Variants in KIF6 observed in about 807,000 individuals in gnomAD.
KIF6 encodes kinesin family member 6.
In KIF6, 106 loss-of-function variants were observed where a neutral mutation model predicts 112.7. That is an observed-to-expected ratio of 0.94 (90% CI 0.80 to 1.11). The LOEUF (loss-of-function observed/expected upper bound fraction) is 1.11. Ranked by LOEUF, KIF6 falls within the 50% of genes least tolerant of loss-of-function variation. The probability of loss-of-function intolerance (pLI) is 0.00; values close to 1 mark genes in which losing one functional copy is unlikely to be tolerated. For missense variants in KIF6, 929 were observed against 964.0 expected (o/e 0.96, Z 0.48); for synonymous variants, 339 against 339.9 (o/e 1.00, Z 0.03).
At chr6:39,418,179 T>G (rs1770071578) in intron 15 of KIF6, among the ~76,000 whole-genome samples, 1 of 152,158 alleles carries the variant, frequency 6.6e-6, no homozygotes, top group Non-Finnish European at 1.5e-5. Context: ...GGACATAATC[T>G]TCAGAAAAAT....
chr6:39,531,370 G>A (rs1183538130), intron 13 of KIF6, among the ~76,000 whole-genome samples: 1 of 152,186 alleles, frequency 6.6e-6, no homozygotes, highest in East Asian at 1.9e-4. Context: ...GTGATTATAA[G>A]ATGCTGTGGG....
chr6:39,679,603 T>C (rs1787380435), intron 3 of KIF6, among the ~76,000 whole-genome samples: 1 of 137,732 alleles, frequency 7.3e-6, no homozygotes, highest in African/African-American at 2.6e-5. Context: ...TGGCAGGGTT[T>C]CTTTTCTTTT....
At chr6:39,381,426 C>T (rs1445578395) in intron 16 of KIF6, among the ~76,000 whole-genome samples, 1 of 152,108 alleles carries the variant, frequency 6.6e-6, no homozygotes, top group Admixed American at 6.5e-5. Flanking sequence ...TGAAAGGGGG[C>T]GTACCACTGA....
At chr6:39,396,652 A>G (rs1470761570) in intron 15 of KIF6, among the ~76,000 whole-genome samples, 1 of 152,170 alleles carries the variant, frequency 6.6e-6, no homozygotes, top group African/African-American at 2.4e-5. Flanking sequence ...AATCCCTTTG[A>G]GCCTCAATTT....
chr6:39,702,890 A>G (rs1490959593), intron 3 of KIF6, among the ~76,000 whole-genome samples: 11 of 35,898 alleles, frequency 3.1e-4, no homozygotes, highest in Non-Finnish European at 7.6e-4. Context: ...AAAGGAAGAA[A>G]TGTCATTTGC....
chr6:39,345,304 A>C (rs1274735128), intron 21 of KIF6, among the ~76,000 whole-genome samples: 3 of 152,180 alleles, frequency 2.0e-5, no homozygotes, highest in Admixed American at 6.5e-5. Flanking sequence ...GGAGGATACA[A>C]ATGCCCATGG....
rs1386491283 is a variant in KIF6 at position 39,596,130 on chromosome 6, A to G, written c.770T>C (p.Val257Ala). Reference protein sequence around the residue: ...HLVDLAGSERVAKTGVGGHLL... With the variant: ...HLVDLAGSERAAKTGVGGHLL... ...ATGGCCCCCTACTCCAGTCTTTGCA[A>G]CTCGCTCTGAACCAGCCAGGTCAAC... The change falls in exon 7 of 23, where the codon GTT (valine) becomes GCT (alanine). Residue 257 changes from valine to alanine, a missense_variant. Around this residue, in one of 2 missense-constraint regions of KIF6, gnomAD observed 688 missense variants for 662.7 expected, o/e 1.04. Coordinates refer to ENST00000287152, the MANE Select transcript of KIF6 (RefSeq NM_145027.6). 4 of 1,613,798 alleles carry G rather than the reference A, an allele frequency of 2.5e-6. No homozygotes were observed. The African/African-American group carries it at 4.0e-5, about 16-fold the overall frequency.
chr6:39,406,748 C>G (rs1220835503), intron 15 of KIF6, among the ~76,000 whole-genome samples: 1 of 151,986 alleles, frequency 6.6e-6, no homozygotes, highest in African/African-American at 2.4e-5. Context: ...GTTTAACCTG[C>G]AAGTATTTGT....
chr6:39,648,138 C>T (rs1165326284), intron 3 of KIF6, among the ~76,000 whole-genome samples: 1 of 149,128 alleles, frequency 6.7e-6, no homozygotes, highest in Non-Finnish European at 1.5e-5. Context: ...ATTCTCCTGC[C>T]TCAGCCTCCC....
chr6:39,618,407 G>A (rs940579913), intron 5 of KIF6, among the ~76,000 whole-genome samples: 14 of 152,036 alleles, frequency 9.2e-5, no homozygotes, highest in Non-Finnish European at 1.5e-4. Context: ...TATTGGCCAC[G>A]GGGACCCCAG....
intron 3 of KIF6, among the ~76,000 whole-genome samples, chr6:39,706,358 G>T (rs1789210204): frequency 6.6e-6 from 1 of 152,186 alleles, no homozygotes; most frequent in East Asian, 1.9e-4. Context: ...TTCTATACTG[G>T]TTACATCAAC....
intron 2 of KIF6, among the ~76,000 whole-genome samples, chr6:39,715,378 G>A (rs78545084): frequency 0.01 from 1,542 of 152,196 alleles, 26 homozygotes; most frequent in African/African-American, 0.034. Context: ...AATCAGATTG[G>A]CAATGGCTTA....
chr6:39,683,215 G>A (rs557508506), intron 3 of KIF6, among the ~76,000 whole-genome samples: 2 of 152,340 alleles, frequency 1.3e-5, no homozygotes, highest in Admixed American at 1.3e-4. Flanking sequence ...AGCTCATTTT[G>A]GCTAGTGAAT....
chr6:39,552,166 A>G (rs1280591672), intron 10 of KIF6, among the ~76,000 whole-genome samples: 1 of 152,210 alleles, frequency 6.6e-6, no homozygotes, highest in Non-Finnish European at 1.5e-5. Context: ...ACAAAGATGT[A>G]ACTGGAAATG....
intron 10 of KIF6, among the ~76,000 whole-genome samples, chr6:39,552,677 T>C (rs972896763): frequency 4.6e-5 from 7 of 152,138 alleles, no homozygotes; most frequent in African/African-American, 1.7e-4. Flanking sequence ...CCAGGAAAGA[T>C]GCAAACAACA....
intron 13 of KIF6, among the ~76,000 whole-genome samples, chr6:39,462,784 C>CAT (rs1298124321): frequency 2.0e-5 from 3 of 151,820 alleles, no homozygotes; most frequent in African/African-American, 7.3e-5. Flanking sequence ...AATATATGCA[C>CAT]ATATATATAT....
At chr6:39,563,238 G>A (rs1324629948) in intron 10 of KIF6, among the ~76,000 whole-genome samples, 2 of 152,068 alleles carry the variant, frequency 1.3e-5, no homozygotes, top group Non-Finnish European at 2.9e-5. Context: ...AGGCCCTGCT[G>A]CAAAAAGAAA....
At chr6:39,390,197 G>A (rs1339191684) in intron 15 of KIF6, among the ~76,000 whole-genome samples, 2 of 152,248 alleles carry the variant, frequency 1.3e-5, no homozygotes, top group Non-Finnish European at 2.9e-5. Context: ...AATAATATCT[G>A]CTTTGCTATA....
chr6:39,682,617 T>C (rs982940725), intron 3 of KIF6, among the ~76,000 whole-genome samples: 2 of 152,200 alleles, frequency 1.3e-5, no homozygotes, highest in African/African-American at 4.8e-5. Flanking sequence ...TCTTGCTCTG[T>C]TGCCCAGGCT....
Sources: gnomAD v4.1 joint callset for allele counts (sites outside exome capture counted in the v4.1 genomes callset) on GRCh38, gnomAD v4.1.1 for gene constraint, gnomAD v4.1.1 regional missense constraint, MANE v1.5 for transcripts, NCBI Gene and HGNC (gene_info 2026-07-23, HGNC 2026-07-21) for gene names.